Variants in RYR1 observed in about 807,000 individuals in gnomAD.
RYR1 encodes the protein ryanodine receptor 1.
Under a neutral mutation model 583.5 loss-of-function variants are expected in RYR1, and 342 were observed. The ratio of observed to expected loss-of-function variants is 0.59; its 90% confidence interval spans 0.54 to 0.64. RYR1 has a LOEUF of 0.64. RYR1 is among the 30% of genes least tolerant of loss of function. RYR1 has a pLI of 0.00. For synonymous variants in RYR1, 2,791 were observed against 2,822.5 expected, an observed-to-expected ratio of 0.99 and a Z score of 0.35; for missense variants, 6,032 against 6,917.2, an observed-to-expected ratio of 0.87 and a Z score of 4.54.
chr19:38,548,813 C>T (rs964576244), intron 89 of RYR1, among the ~76,000 whole-genome samples: 18 of 152,192 alleles, frequency 1.2e-4, no homozygotes, highest in Non-Finnish European at 5.9e-5. Flanking sequence ...AACTCTTGGG[C>T]TCCAACAATT....
chr19:38,536,046 G>T lies in RYR1; in HGVS notation c.11566G>T (p.Gly3856Cys). The T allele has an allele frequency of 6.2e-7, 1 of 1,613,632 alleles. No individual in the cohort carries two copies. Residue 3856 changes from glycine to cysteine, a missense_variant, in exon 82 of 106, where the codon GGC becomes TGC. Coordinates refer to ENST00000359596, the MANE Select transcript of RYR1 (RefSeq NM_000540.3). ...FERQNKAEGL[G>C]MVNEDGTVIN... The stretch of plus-strand genomic sequence containing the variant: ...GAGACAGAACAAGGCCGAGGGGCTG[G>T]GCATGGTGAATGAGGATGGCACTGG...
chr19:38,458,573 T>A (rs896805941), intron 18 of RYR1, among the ~76,000 whole-genome samples: 3 of 152,186 alleles, frequency 2.0e-5, no homozygotes, highest in African/African-American at 7.2e-5. Flanking sequence ...CTCTGATCTT[T>A]GACTTCTAAC....
chr19:38,576,457 T>A (rs1052915601), intron 97 of RYR1, among the ~76,000 whole-genome samples: 3 of 150,204 alleles, frequency 2.0e-5, no homozygotes, highest in Non-Finnish European at 4.4e-5. Flanking sequence ...TCAAAAAAAA[T>A]AATAATAACA....
rs1185704555 is a variant in RYR1, at chr19:38,565,781, C to T, written c.13437+10C>T. 2.2e-6 allele frequency: 3 copies of T among 1,383,152 alleles called. No individual in the cohort carries two copies. The highest frequency in any genetic ancestry group is 3.6e-5 in the Admixed American group (1 of 27,812). The allele number at this position is 1,383,152 out of a possible 1,614,324, so 85.7% of individuals were successfully genotyped here. On this transcript the variant is annotated intron_variant, in intron 91 of 105. Coordinates refer to ENST00000359596, the MANE Select transcript of RYR1 (RefSeq NM_000540.3). The surrounding 1 kb of genome is among the most constrained non-coding windows in gnomAD (Gnocchi z 4.7). ...CAAGAGGAAATTGGGGGTGAGAGAG[C>T]AGGCGGGGTTTTGGGGTTTTGGAAA...
intron 9 of RYR1, 50 bp from the exon 10 acceptor site, chr19:38,448,305 T>C: frequency 4.4e-6 from 7 of 1,585,142 alleles, no homozygotes; most frequent in Non-Finnish European, 6.0e-6. Flanking sequence ...GTAATGTCCA[T>C]GGGAGAACTG....
At chr19:38,572,320 G>C in intron 95 of RYR1, 50 bp downstream of exon 95, 1 of 1,539,926 alleles carries the variant, frequency 6.5e-7, no homozygotes, top group Non-Finnish European at 8.8e-7. Context: ...GCTGGGTGGG[G>C]GTGGGGGCAG....
intron 63 of RYR1, among the ~76,000 whole-genome samples, chr19:38,514,519 G>A: frequency 6.6e-6 from 1 of 151,724 alleles, no homozygotes; most frequent in East Asian, 2.0e-4. Context: ...GACCTCAGGT[G>A]ATCCGTCCAC....
intron 21 of RYR1, 106 bp downstream of exon 21, chr19:38,463,633 G>T (rs564958460): frequency 2.8e-6 from 4 of 1,447,608 alleles, no homozygotes; most frequent in East Asian, 4.5e-5. Context: ...GCACCAGGGG[G>T]TCCTTGGACT....
At chr19:38,575,495 C>G (rs944960269) in intron 96 of RYR1, among the ~76,000 whole-genome samples, 3 of 151,600 alleles carry the variant, frequency 2.0e-5, no homozygotes, top group Non-Finnish European at 4.4e-5. Context: ...AAAACCCTGT[C>G]TCTACTAAAA....
chr19:38,572,773 A>G (rs1362562597), intron 95 of RYR1, among the ~76,000 whole-genome samples: 1 of 99,804 alleles, frequency 1.0e-5, no homozygotes, highest in African/African-American at 4.0e-5. Flanking sequence ...CCCCACCCCC[A>G]TTCCAGCCCT....
Position 38,528,974 on chromosome 19 carries a change from G to A in RYR1, c.11058G>A (p.Glu3686=). 1 of 1,611,760 alleles carries A rather than the reference G, an allele frequency of 6.2e-7. No homozygotes were observed. The highest frequency in any genetic ancestry group is 2.2e-5 in the East Asian group (1 of 44,842). ...DLSKAGEQEE[E]EEEVEEKKPD... is the part of the protein sequence containing the mutation. ...AGAAAGCTGGGGAGCAGGAGGAGGA[G>A]GAGGAAGAGGTGGAAGAGAAGAAGC... The change falls in exon 76 of 106, where the codon GAG becomes GAA. Residue 3686 remains glutamate, a synonymous_variant. Transcript: ENST00000359596.
intron 25 of RYR1, among the ~76,000 whole-genome samples, chr19:38,468,498 T>C (rs1968245820): frequency 6.6e-6 from 1 of 152,226 alleles, no homozygotes; most frequent in South Asian, 2.1e-4. Context: ...TCAACCCAGG[T>C]AAACTCTCAA....
rs71165552 is a variant in RYR1 at position 38,502,751 on chromosome 19, TGGGGCAGGGGCA to T, written c.7835+71_7836-71del. ...AGGTGGAGCGGGGCAGGCTTCAGGG[TGGGGCAGGGGCA>T]GGGGCAGGGGCAGGGGCAGGGGCAG... On this transcript the variant is annotated intron_variant, in intron 48 of 105. Coordinates refer to ENST00000359596, the MANE Select transcript of RYR1 (RefSeq NM_000540.3). 35,725 of 1,045,616 alleles carry T rather than the reference TGGGGCAGGGGCA, an allele frequency of 0.034. 1,745 individuals carry two copies. The highest frequency in any genetic ancestry group is 0.12 in the Admixed American group (5,111 of 43,156). The allele number at this position is 1,045,616 out of a possible 1,614,324, so 64.8% of individuals were successfully genotyped here.
At chr19:38,527,468 C>A in intron 72 of RYR1, 179 bp from the exon 73 acceptor site, 1 of 764,522 alleles carries the variant, frequency 1.3e-6, no homozygotes, top group South Asian at 1.7e-5. Flanking sequence ...TGAGATCGCA[C>A]CACTGCACTC....
chr19:38,565,229 G>C lies in RYR1; in HGVS notation c.12895G>C (p.Ala4299Pro), dbSNP rs1476448627. Residue 4299 changes from alanine (A) to proline (P), a missense_variant, in exon 91 of 106, where the codon GCG becomes CCG. Coordinates refer to ENST00000359596, the MANE Select transcript of RYR1 (RefSeq NM_000540.3). This position sits in a 1 kb window ranked among gnomAD's most constrained non-coding sequence, Gnocchi z 4.7. ...AAAGATARVVAAAGRALRGLS... is the reference protein window; with the variant it reads ...AAAGATARVVPAAGRALRGLS... ...GGCGGGGGCGACGGCGCGGGTTGTG[G>C]CGGCCGCAGGCCGGGCCCTGCGAGG... The C allele has an allele frequency of 1.0e-6, 1 of 989,426 alleles. No individual in the cohort carries two copies. Among genetic ancestry groups the C allele is most frequent in the African/African-American group, 1.8e-5 (1 of 56,784 alleles). The allele number at this position is 989,426 out of a possible 1,614,324, so 61.3% of individuals were successfully genotyped here. A position where few individuals can be genotyped will look rare whatever the true frequency, so the allele number is the denominator to read the frequency against.
At position 38,580,051 on chromosome 19, in the gene RYR1, G is replaced by A; in HGVS notation, c.14434G>A (p.Ala4812Thr). ...ACACTACAACAACTTCTTCTTTGCTGCCCATCTCCTGGACATCGCCATGGG... is the reference window on the plus strand; with the variant it reads ...ACACTACAACAACTTCTTCTTTGCTACCCATCTCCTGGACATCGCCATGGG... Reference protein sequence around the residue: ...LGHYNNFFFAAHLLDIAMGVK... With the variant: ...LGHYNNFFFATHLLDIAMGVK... The change falls in exon 100 of 106, where the codon GCC becomes ACC. Residue 4812 changes from alanine to threonine, a missense_variant. Coordinates refer to ENST00000359596, the MANE Select transcript of RYR1 (RefSeq NM_000540.3). The A allele has an allele frequency of 1.9e-6, 3 of 1,614,148 alleles. No homozygotes were observed. The highest frequency in any genetic ancestry group is 2.5e-6 in the Non-Finnish European group (3 of 1,180,036).
At chr19:38,498,330 T>G (rs1969941328) in intron 42 of RYR1, among the ~76,000 whole-genome samples, 1 of 151,656 alleles carries the variant, frequency 6.6e-6, no homozygotes, top group Non-Finnish European at 1.5e-5. Flanking sequence ...TGGCTGTGTG[T>G]GGGGAACAGA....
Position 38,573,277 on chromosome 19 carries a change from G to C in RYR1, c.14099G>C (p.Gly4700Ala), listed in dbSNP as rs1973807125. 6.2e-7 allele frequency: 1 copy of C among 1,613,812 alleles called. No individual in the cohort carries two copies. The highest frequency in any genetic ancestry group is 8.5e-7 in the Non-Finnish European group (1 of 1,179,944). The change falls in exon 96 of 106, where the codon GGG becomes GCG. Residue 4700 changes from glycine (G) to alanine (A), a missense_variant. Transcript: ENST00000359596. ...CAGCCTGAGGACGATGACGTGAAGG[G>C]GCAGTGGGACCGACTGGTGCTCAAC... ...TEQPEDDDVKGQWDRLVLNTP... is the reference protein window; with the variant it reads ...TEQPEDDDVKAQWDRLVLNTP...
At chr19:38,502,424 C>G in intron 47 of RYR1, 83 bp from the exon 48 acceptor site, 14 of 1,338,818 alleles carry the variant, frequency 1.0e-5, no homozygotes, top group Non-Finnish European at 1.5e-5. Context: ...AGCTTGGATC[C>G]TTTGGCCACA....
Sources: allele counts gnomAD v4.1 joint callset (sites outside exome capture counted in the v4.1 genomes callset), GRCh38; gene constraint gnomAD v4.1.1; non-coding constraint Gnocchi (gnomAD v3.1); transcripts MANE v1.5; gene names NCBI Gene and HGNC (gene_info 2026-07-23, HGNC 2026-07-21).